The following TRIM23 variants were observed in gnomAD, a reference collection of about 807,000 sequenced individuals.
TRIM23 encodes the protein tripartite motif containing 23.
In TRIM23, 27 loss-of-function variants were observed where a neutral mutation model predicts 71.0. The observed-to-expected ratio is 0.38, with a 90% CI of 0.28 to 0.52. TRIM23 has a LOEUF of 0.52. Ranked by LOEUF, TRIM23 falls within the 20% of genes least tolerant of loss-of-function variation. The probability of loss-of-function intolerance (pLI) is 0.84; values close to 1 mark genes in which losing one functional copy is unlikely to be tolerated. For synonymous variants in TRIM23, 234 were observed against 238.0 expected, an observed-to-expected ratio of 0.98 and a Z score of 0.16; for missense variants, 482 against 692.3, an observed-to-expected ratio of 0.70 and a Z score of 3.41.
At chr5:65,598,672 C>T (rs984439968) in intron 7 of TRIM23, among the ~76,000 whole-genome samples, 2 of 151,760 alleles carry the variant, frequency 1.3e-5, no homozygotes, top group African/African-American at 2.4e-5. Context: ...CGCTTGAACC[C>T]GGAAGGTGGA....
chr5:65,620,573 G>A (rs1312790546), intron 1 of TRIM23, among the ~76,000 whole-genome samples: 1 of 100,996 alleles, frequency 9.9e-6, no homozygotes, highest in African/African-American at 3.7e-5. Context: ...TAAAGGTGGG[G>A]AAAGAGCAAA....
At chr5:65,613,239 T>C (rs1227660076) in intron 3 of TRIM23, among the ~76,000 whole-genome samples, 4 of 152,344 alleles carry the variant, frequency 2.6e-5, no homozygotes, top group East Asian at 3.9e-4. Flanking sequence ...GTAATGTCTT[T>C]TGAAATAAAG....
At chr5:65,598,705 G>A (rs923422198) in intron 7 of TRIM23, among the ~76,000 whole-genome samples, 8 of 150,976 alleles carry the variant, frequency 5.3e-5, no homozygotes, top group East Asian at 1.9e-4. Flanking sequence ...CCGAGATCGC[G>A]CCATTGCACT....
At position 65,591,575 on chromosome 5, in the gene TRIM23, C is replaced by G; in HGVS notation, c.*194G>C. On this transcript the variant is annotated 3_prime_UTR_variant, in exon 11 of 11. Coordinates refer to ENST00000231524, the MANE Select transcript of TRIM23 (RefSeq NM_001656.4). Reference sequence around the variant, plus strand: ...TCTATTTAATTCAATCTAATCTGCTCAATTAGAAATTTAATTCTGCCACAA... The same window carrying G: ...TCTATTTAATTCAATCTAATCTGCTGAATTAGAAATTTAATTCTGCCACAA... 7.5e-7 allele frequency: 1 copy of G among 1,329,312 alleles called. No homozygotes were observed. The highest frequency in any genetic ancestry group is 9.8e-7 in the Non-Finnish European group (1 of 1,016,374). The allele number at this position is 1,329,312 out of a possible 1,614,324, so 82.3% of individuals were successfully genotyped here.
intron 1 of TRIM23, among the ~76,000 whole-genome samples, chr5:65,620,179 G>A (rs2161279): frequency 0.036 from 5,436 of 152,190 alleles, 164 homozygotes; most frequent in Admixed American, 0.05. Context: ...GTTAGTGAAG[G>A]TGTGGGAAAG....
rs2150617866 is a variant in TRIM23 at position 65,591,729 on chromosome 5, C to A, written c.*40G>T. The stretch of plus-strand genomic sequence containing the variant: ...TTAAAACATACTATGTGCAAAGTTA[C>A]TTTTAACCACAAAACTTCAAACAAC... On this transcript the variant is annotated 3_prime_UTR_variant, in exon 11 of 11. Transcript: ENST00000231524. 1.9e-6 allele frequency: 3 copies of A among 1,569,892 alleles called. No homozygotes were observed. Among genetic ancestry groups the A allele is most frequent in the Middle Eastern group, 1.7e-4 (1 of 5,854 alleles).
intron 1 of TRIM23, among the ~76,000 whole-genome samples, chr5:65,620,825 C>T (rs1342555596): frequency 6.6e-6 from 1 of 152,044 alleles, no homozygotes; most frequent in African/African-American, 2.4e-5. Context: ...CCTGTAATCA[C>T]AGCACTTTGG....
chr5:65,592,419 G>A (rs1754066094), intron 10 of TRIM23, among the ~76,000 whole-genome samples: 1 of 151,880 alleles, frequency 6.6e-6, no homozygotes, highest in African/African-American at 2.4e-5. Context: ...TAGAGATGAG[G>A]TTTCACCATG....
intron 9 of TRIM23, 49 bp from the exon 10 acceptor site, chr5:65,594,694 C>T (rs765278434): frequency 6.9e-6 from 10 of 1,453,490 alleles, no homozygotes; most frequent in Non-Finnish European, 9.2e-6. Flanking sequence ...TGCTAAAGTT[C>T]AGTAAATGAA....
At position 65,604,906 on chromosome 5, in the gene TRIM23, A is replaced by G. The variant is rs755454167; in HGVS notation, c.1179+5T>C. On this transcript the variant is annotated splice_donor_5th_base_variant and intron_variant, in intron 7 of 10. Coordinates refer to ENST00000231524, the MANE Select transcript of TRIM23 (RefSeq NM_001656.4). Reference sequence around the variant, plus strand: ...AATACCTAAAAATAAAGTACAGTACATTACCTTTGTAAAAGTGACAGGGAT... The same window carrying G: ...AATACCTAAAAATAAAGTACAGTACGTTACCTTTGTAAAAGTGACAGGGAT... The G allele has an allele frequency of 4.2e-5, 67 of 1,612,382 alleles. No individual in the cohort carries two copies. Among genetic ancestry groups the G allele is most frequent in the South Asian group, 1.1e-4 (10 of 90,754 alleles).
Position 65,611,779 on chromosome 5 carries a change from T to C in TRIM23, c.469A>G (p.Thr157Ala), listed in dbSNP as rs1754657016. ...CSECSQVTHS[T>A]KTLAKHRRVP... is the part of the protein sequence containing the mutation. ...CGCCTGTGCTTTGCTAATGTCTTTG[T>C]AGAATGAGTAACTTGAGAACACTCA... is the stretch of plus-strand genomic sequence containing the variant. Residue 157 changes from threonine to alanine, a missense_variant, in exon 4 of 11, where the codon ACA becomes GCA. Thr to Ala is a moderately conservative substitution (Grantham distance 58, BLOSUM62 0). Around this residue, in one of 2 missense-constraint regions of TRIM23, gnomAD observed 175 missense variants for 196.5 expected, o/e 0.89. Coordinates refer to ENST00000231524, the MANE Select transcript of TRIM23 (RefSeq NM_001656.4). The C allele has an allele frequency of 1.9e-6, 3 of 1,614,188 alleles. No homozygotes were observed. The highest frequency in any genetic ancestry group is 2.5e-6 in the Non-Finnish European group (3 of 1,180,030).
Position 65,618,157 on chromosome 5 carries a change from G to C in TRIM23, c.180C>G (p.Leu60=), listed in dbSNP as rs1264581609. The C allele has an allele frequency of 3.1e-6, 5 of 1,613,986 alleles. No individual in the cohort carries two copies. Among genetic ancestry groups the C allele is most frequent in the Non-Finnish European group, 3.4e-6 (4 of 1,179,998 alleles). ...LCGHTVCHDC[L]TRLPLHGRAI... is the part of the protein sequence containing the mutation. ...CTCTTCCATGAAGAGGTAGGCGAGT[G>C]AGACAGTCATGACAGACGGTATGGC... The change falls in exon 2 of 11, where the codon CTC becomes CTG. Residue 60 remains leucine, a synonymous_variant. Transcript: ENST00000231524.
intron 7 of TRIM23, among the ~76,000 whole-genome samples, chr5:65,597,605 A>T (rs1236487057): frequency 6.8e-6 from 1 of 147,252 alleles, no homozygotes; most frequent in Non-Finnish European, 1.5e-5. Context: ...CAACATACAC[A>T]AACAAAACAA....
At chr5:65,609,179 A>C in intron 6 of TRIM23, 64 bp downstream of exon 6, 2 of 1,514,468 alleles carry the variant, frequency 1.3e-6, no homozygotes, top group Non-Finnish European at 1.8e-6. Context: ...ACACTAATGT[A>C]TACCTCTGGT....
chr5:65,603,392 C>T (rs168672), intron 7 of TRIM23, among the ~76,000 whole-genome samples: 46,202 of 151,914 alleles, frequency 0.3, 7,355 homozygotes, highest in African/African-American at 0.38. Flanking sequence ...CTTTCTACTG[C>T]TACAGAGTGA....
At position 65,605,128 on chromosome 5, in the gene TRIM23, A is replaced by C. The variant is rs1754461771; in HGVS notation, c.1045-83T>G. 2.3e-6 allele frequency: 3 copies of C among 1,329,164 alleles called. No individual in the cohort carries two copies. The South Asian group carries it at 4.8e-5, about 21-fold the overall frequency. The allele number at this position is 1,329,164 out of a possible 1,614,324, so 82.3% of individuals were successfully genotyped here. A position where few individuals can be genotyped will look rare whatever the true frequency, so the allele number is the denominator to read the frequency against. On this transcript the variant is annotated intron_variant, in intron 6 of 10. Transcript: ENST00000231524. ...ACTTATATTACCAACTCACAATAAA[A>C]GCAGTTTTAACATTATAGTAGTCAA...
chr5:65,596,356 A>C, intron 9 of TRIM23, 65 bp downstream of exon 9: 8 of 1,135,272 alleles, frequency 7.0e-6, no homozygotes, highest in Non-Finnish European at 1.1e-5. Context: ...TTGCTAGTTA[A>C]ATCAGTACAC....
chr5:65,601,839 G>A (rs1754371131), intron 7 of TRIM23, among the ~76,000 whole-genome samples: 1 of 151,594 alleles, frequency 6.6e-6, no homozygotes, highest in South Asian at 2.1e-4. Flanking sequence ...TGAAGCCACA[G>A]CCCGAGCTCT....
At chr5:65,605,677 A>G (rs1476183461) in intron 6 of TRIM23, among the ~76,000 whole-genome samples, 2 of 152,266 alleles carry the variant, frequency 1.3e-5, no homozygotes, top group Non-Finnish European at 2.9e-5. Context: ...CTCAAAGTCA[A>G]GAACTTTCCA....
Sources: gnomAD v4.1 joint callset for allele counts (sites outside exome capture counted in the v4.1 genomes callset) on GRCh38, gnomAD v4.1.1 for gene constraint, gnomAD v4.1.1 regional missense constraint, MANE v1.5 for transcripts, NCBI Gene and HGNC (gene_info 2026-07-23, HGNC 2026-07-21) for gene names.